The following KIF1B variants were observed in gnomAD, a reference collection of about 807,000 sequenced individuals.
KIF1B encodes kinesin family member 1B, also known as kinesin-like protein KIF1B.
Under a neutral mutation model 241.9 loss-of-function variants are expected in KIF1B, and 76 were observed. The ratio of observed to expected loss-of-function variants is 0.31; its 90% CI spans 0.26 to 0.38. The LOEUF (loss-of-function observed/expected upper bound fraction) is 0.38, where lower values mean the gene tolerates loss of function less well. KIF1B is among the 10% of genes least tolerant of loss of function. The pLI is 1.00. For missense variants in KIF1B, 1,622 were observed against 2,271.4 expected, an observed-to-expected ratio of 0.71 and a Z score of 5.81; for synonymous variants, 750 against 796.7, an observed-to-expected ratio of 0.94 and a Z score of 0.99.
intron 22 of KIF1B, among the ~76,000 whole-genome samples, chr1:10,301,754 A>G (rs984354889): frequency 2.0e-5 from 3 of 152,336 alleles, no homozygotes; most frequent in East Asian, 3.9e-4. Context: ...AGCAACTTTT[A>G]TCTCCCGAAT....
intron 5 of KIF1B, among the ~76,000 whole-genome samples, chr1:10,262,454 T>A (rs147908741): frequency 8.7e-4 from 132 of 152,342 alleles, no homozygotes; most frequent in Non-Finnish European, 1.7e-3. Context: ...CAGCCACAAT[T>A]AAATCTTTGT....
intron 1 of KIF1B, among the ~76,000 whole-genome samples, chr1:10,222,084 A>G (rs1002900444): frequency 6.6e-6 from 1 of 152,236 alleles, no homozygotes; most frequent in African/African-American, 2.4e-5. Context: ...TGACTGCAAC[A>G]TAGGGGCAGA....
Position 10,232,348 on chromosome 1 carries a change from A to T in KIF1B, c.20A>T (p.Lys7Met), listed in dbSNP as rs758134092. 16 of 1,613,600 alleles carry T rather than the reference A, an allele frequency of 9.9e-6. No homozygotes were observed. The highest frequency in any genetic ancestry group is 1.3e-5 in the Non-Finnish European group (15 of 1,179,648). The change falls in exon 2 of 49, where the codon AAG becomes ATG. Residue 7 changes from lysine to methionine, a missense_variant. By Grantham distance (95) the Lys-to-Met change is moderately conservative. Transcript: ENST00000676179. ...ATTAAAATGTCGGGAGCCTCAGTGA[A>T]GGTGGCTGTCCGGGTAAGGCCCTTC... The part of the protein sequence containing the change: MSGASV[K>M]VAVRVRPFNS...
intron 22 of KIF1B, among the ~76,000 whole-genome samples, chr1:10,309,649 C>T (rs1650984132): frequency 6.6e-6 from 1 of 151,518 alleles, no homozygotes; most frequent in African/African-American, 2.5e-5. Context: ...ATTGTACCAC[C>T]ATCATCTCTC....
intron 22 of KIF1B, chr1:10,308,472 A>G (rs1401701871): frequency 1.9e-6 from 2 of 1,036,868 alleles, no homozygotes; most frequent in African/African-American, 1.7e-5. Flanking sequence ...AATTTCTTAA[A>G]CAACAACAAA....
chr1:10,266,549 T>C (rs1023586659), intron 5 of KIF1B, among the ~76,000 whole-genome samples: 2 of 152,216 alleles, frequency 1.3e-5, no homozygotes, highest in Non-Finnish European at 2.9e-5. Context: ...TTCTGGAGGA[T>C]ACATCGTCCA....
At chr1:10,227,929 A>G (rs564676242) in intron 1 of KIF1B, 1 of 154,550 alleles carries the variant, frequency 6.5e-6, no homozygotes, top group African/African-American at 2.4e-5. Context: ...TCACACCTGT[A>G]ATCCTAGCAC....
chr1:10,306,895 G>C (rs1650858443), intron 22 of KIF1B: 1 of 1,045,250 alleles, frequency 9.6e-7, no homozygotes, highest in African/African-American at 1.7e-5. Context: ...TCTTACAGTG[G>C]TCTTTTCATG....
chr1:10,301,487 G>A lies in KIF1B; in HGVS notation c.2115+4241G>A, dbSNP rs1029941102. On this transcript the variant is annotated intron_variant, in intron 22 of 48. Transcript: ENST00000676179. Reference sequence around the variant, plus strand: ...TCAAGACCAGCCGGGCCAACATGGTGAAACCCCATCTCTACCAAAAATGCA... The same window carrying A: ...TCAAGACCAGCCGGGCCAACATGGTAAAACCCCATCTCTACCAAAAATGCA... 2.0e-5 allele frequency among the ~76,000 whole-genome samples: 3 copies of A among 152,046 alleles called. No homozygotes were observed. The East Asian group carries it at 5.8e-4, about 29-fold the overall frequency.
chr1:10,289,941 C>T (rs1366811473), intron 15 of KIF1B, among the ~76,000 whole-genome samples: 1 of 152,084 alleles, frequency 6.6e-6, no homozygotes, highest in East Asian at 1.9e-4. Context: ...AGTCTCCTTA[C>T]TACAATGTAA....
intron 8 of KIF1B, 54 bp downstream of exon 8, chr1:10,271,633 T>C: frequency 8.3e-7 from 1 of 1,205,982 alleles, no homozygotes; most frequent in African/African-American, 1.5e-5. Context: ...CTACCTGTTT[T>C]TGTAAATAAA....
intron 38 of KIF1B, among the ~76,000 whole-genome samples, chr1:10,360,052 AAAAT>A (rs1395343045): frequency 6.6e-6 from 1 of 151,206 alleles, no homozygotes; most frequent in African/African-American, 2.5e-5. Flanking sequence ...ATAAAATAAA[AAAAT>A]AATAAAATAA....
chr1:10,295,435 ATAC>A (rs1248499067), intron 18 of KIF1B, among the ~76,000 whole-genome samples: 1 of 152,106 alleles, frequency 6.6e-6, no homozygotes, highest in African/African-American at 2.4e-5. Context: ...TGTCTTTATA[ATAC>A]TGTATGAGTT....
At chr1:10,325,101 A>AAC (rs1651679764) in intron 26 of KIF1B, among the ~76,000 whole-genome samples, 1 of 152,182 alleles carries the variant, frequency 6.6e-6, no homozygotes, top group African/African-American at 2.4e-5. Flanking sequence ...TCGACTCTCA[A>AAC]ACTTTCAGCC....
chr1:10,277,335 T>A (rs958183361), intron 12 of KIF1B, among the ~76,000 whole-genome samples: 4 of 152,012 alleles, frequency 2.6e-5, no homozygotes, highest in Non-Finnish European at 4.4e-5. Context: ...AAAAAGTTTT[T>A]TTTGTTTGTT....
intron 22 of KIF1B, among the ~76,000 whole-genome samples, chr1:10,314,746 C>T (rs1188344285): frequency 1.3e-5 from 2 of 151,546 alleles, no homozygotes; most frequent in Non-Finnish European, 2.9e-5. Context: ...ATTCATAGGG[C>T]TATGGGAAAT....
At chr1:10,222,343 G>C (rs999091308) in intron 1 of KIF1B, among the ~76,000 whole-genome samples, 21 of 152,178 alleles carry the variant, frequency 1.4e-4, no homozygotes, top group Non-Finnish European at 2.9e-4. Context: ...AGAAGGCTTA[G>C]AGTTGGGCAA....
chr1:10,318,778 A>G (rs554852510), intron 22 of KIF1B, among the ~76,000 whole-genome samples: 49 of 152,280 alleles, frequency 3.2e-4, no homozygotes, highest in Non-Finnish European at 5.1e-4. Flanking sequence ...TTATGCTGTA[A>G]TTTAGTATTG....
intron 2 of KIF1B, among the ~76,000 whole-genome samples, chr1:10,253,569 G>C (rs1460178142): frequency 6.6e-6 from 1 of 152,150 alleles, no homozygotes; most frequent in Non-Finnish European, 1.5e-5. Context: ...CTGGAGCCCA[G>C]GAGGTTGAGT....
Sources: allele counts gnomAD v4.1 joint callset (sites outside exome capture counted in the v4.1 genomes callset), GRCh38; gene constraint gnomAD v4.1.1; transcripts MANE v1.5; gene names NCBI Gene and HGNC (gene_info 2026-07-23, HGNC 2026-07-21).